Variants in NRXN3 observed in about 807,000 individuals in gnomAD.
The protein encoded by NRXN3 is neurexin III.
NRXN3 carries 32 observed loss-of-function variants against 137.6 expected under a neutral mutation model. The observed-to-expected ratio is 0.23, with a 90% CI of 0.18 to 0.31. The LOEUF is 0.31. NRXN3 is among the 10% of genes least tolerant of loss of function. The probability of loss-of-function intolerance (pLI) is 1.00; values close to 1 mark genes in which losing one functional copy is unlikely to be tolerated. For missense variants in NRXN3, 1,574 were observed against 2,062.5 expected (o/e 0.76, Z 4.59); for synonymous variants, 798 against 784.5 (o/e 1.02, Z -0.29).
rs77936402 is a variant in NRXN3, at chr14:78,639,301, G to T, written c.758-5819G>T. 8.0e-3 allele frequency among the ~76,000 whole-genome samples: 1,221 copies of T among 152,308 alleles called. 9 individuals carry two copies. The highest frequency in any genetic ancestry group is 0.041 in the East Asian group (213 of 5,180). ...TACGAGACCAATTTGAAGGACAAAG[G>T]CTGCATGCTACAATGAGAACAATTT... is the stretch of plus-strand genomic sequence containing the variant. On this transcript the variant is annotated intron_variant, in intron 4 of 20. Transcript: ENST00000335750.
chr14:78,431,913 CATAGGTCA>C (rs1286593916), intron 4 of NRXN3, among the ~76,000 whole-genome samples: 10 of 152,044 alleles, frequency 6.6e-5, no homozygotes, highest in African/African-American at 2.4e-4. Context: ...ATCTAAGGCT[CATAGGTCA>C]GTAAGCCAGT....
chr14:79,482,322 A>T (rs565393342), intron 16 of NRXN3, among the ~76,000 whole-genome samples: 2 of 152,216 alleles, frequency 1.3e-5, no homozygotes, highest in South Asian at 4.1e-4. Flanking sequence ...CACTGTCATA[A>T]TTTTCTCACT....
intron 8 of NRXN3, among the ~76,000 whole-genome samples, chr14:78,719,803 T>C (rs903772516): frequency 6.6e-6 from 1 of 152,024 alleles, no homozygotes; most frequent in Non-Finnish European, 1.5e-5. Flanking sequence ...GATCATGCAG[T>C]TGCACTCCAG....
intron 10 of NRXN3, among the ~76,000 whole-genome samples, chr14:78,832,168 G>T (rs1330618206): frequency 6.6e-6 from 1 of 151,958 alleles, no homozygotes; most frequent in African/African-American, 2.4e-5. Flanking sequence ...CAAGAGCTTT[G>T]TCTCTTGAAT....
At chr14:79,697,209 G>A (rs148443453) in intron 18 of NRXN3, among the ~76,000 whole-genome samples, 1 of 151,830 alleles carries the variant, frequency 6.6e-6, no homozygotes, top group Non-Finnish European at 1.5e-5. Flanking sequence ...AGTTTTTTTG[G>A]CCATATTTAA....
chr14:79,529,403 G>A (rs988831177), intron 16 of NRXN3, among the ~76,000 whole-genome samples: 2 of 152,176 alleles, frequency 1.3e-5, no homozygotes, highest in Admixed American at 6.5e-5. Flanking sequence ...GCCTGGTTTC[G>A]GGCCTGGCGC....
At chr14:78,392,103 G>T (rs1368306264) in intron 4 of NRXN3, among the ~76,000 whole-genome samples, 1 of 152,150 alleles carries the variant, frequency 6.6e-6, no homozygotes, top group Non-Finnish European at 1.5e-5. Flanking sequence ...TAAAAATATT[G>T]CAAAGAGCTA....
At chr14:78,826,934 G>A (rs890477303) in intron 10 of NRXN3, among the ~76,000 whole-genome samples, 2 of 152,108 alleles carry the variant, frequency 1.3e-5, no homozygotes, top group African/African-American at 4.8e-5. Context: ...GAATGTCAAC[G>A]TTTAAGAGAC....
chr14:79,383,582 T>C lies in NRXN3; in HGVS notation c.3263-83639T>C, dbSNP rs553988566. Among the ~76,000 whole-genome samples the C allele has an allele frequency of 5.9e-5, 9 of 152,284 alleles. No homozygotes were observed. The South Asian group carries it at 1.7e-3, about 28-fold the overall frequency. On this transcript the variant is annotated intron_variant, in intron 15 of 20. Coordinates refer to ENST00000335750, the MANE Select transcript of NRXN3 (RefSeq NM_001330195.2). ...GCAGCCAAAAGCATATTGTTCAGCATTGCGAATTCACAATACTCACTGCTC... is the reference window on the plus strand; with the variant it reads ...GCAGCCAAAAGCATATTGTTCAGCACTGCGAATTCACAATACTCACTGCTC...
chr14:78,809,469 G>C (rs1235913334), intron 9 of NRXN3, among the ~76,000 whole-genome samples: 1 of 152,140 alleles, frequency 6.6e-6, no homozygotes, highest in Non-Finnish European at 1.5e-5. Context: ...CGAGGGGGTT[G>C]ATCTGGGAGC....
intron 8 of NRXN3, among the ~76,000 whole-genome samples, chr14:78,738,775 T>TGG (rs71303853): frequency 5.9e-5 from 9 of 151,658 alleles, no homozygotes; most frequent in Non-Finnish European, 8.8e-5. Flanking sequence ...TGGTGAGGGG[T>TGG]GGGGGGGTGC....
chr14:78,857,613 G>A (rs2099061139), intron 10 of NRXN3, among the ~76,000 whole-genome samples: 1 of 152,146 alleles, frequency 6.6e-6, no homozygotes, highest in African/African-American at 2.4e-5. Flanking sequence ...GGATATGAAT[G>A]TATGCTGAAA....
Position 79,060,016 on chromosome 14 carries a change from C to A in NRXN3, c.3262+71875C>A, listed in dbSNP as rs1180238529. ...CAAACAGAATTTTTTTGGGTGAACC[C>A]ACAGATTTCACTCTGAGGAACAGCT... On this transcript the variant is annotated intron_variant, in intron 15 of 20. Coordinates refer to ENST00000335750, the MANE Select transcript of NRXN3 (RefSeq NM_001330195.2). Among the ~76,000 whole-genome samples, 3 of 152,132 alleles carry A rather than the reference C, an allele frequency of 2.0e-5. No homozygotes were observed. The East Asian group carries it at 5.8e-4, about 29-fold the overall frequency.
intron 4 of NRXN3, among the ~76,000 whole-genome samples, chr14:78,316,849 C>T (rs1418241157): frequency 6.6e-6 from 1 of 152,164 alleles, no homozygotes. Flanking sequence ...AGCTCCTGCC[C>T]ATGTGATTTT....
At chr14:79,004,009 C>A (rs150812755) in intron 15 of NRXN3, among the ~76,000 whole-genome samples, 1 of 152,132 alleles carries the variant, frequency 6.6e-6, no homozygotes, top group Non-Finnish European at 1.5e-5. Flanking sequence ...ATTTAGCTAT[C>A]TTAAAAACTG....
chr14:79,092,078 G>A (rs570536315), intron 15 of NRXN3, among the ~76,000 whole-genome samples: 2 of 152,098 alleles, frequency 1.3e-5, no homozygotes, highest in Non-Finnish European at 2.9e-5. Context: ...CTATCTTAAG[G>A]TTGTTTATAA....
intron 16 of NRXN3, among the ~76,000 whole-genome samples, chr14:79,619,664 C>T (rs2153896493): frequency 6.6e-6 from 1 of 152,164 alleles, no homozygotes; most frequent in African/African-American, 2.4e-5. Context: ...CAGAATTACA[C>T]AGAATACAGT....
intron 4 of NRXN3, among the ~76,000 whole-genome samples, chr14:78,569,522 C>T (rs1277856472): frequency 6.6e-6 from 1 of 151,918 alleles, no homozygotes; most frequent in African/African-American, 2.4e-5. Flanking sequence ...ATCTCGGCCT[C>T]CCAAAGTGCT....
At chr14:79,146,626 G>A (rs535721074) in intron 15 of NRXN3, among the ~76,000 whole-genome samples, 23 of 152,168 alleles carry the variant, frequency 1.5e-4, no homozygotes, top group East Asian at 5.8e-4. Context: ...AGAAAAGAGC[G>A]TGCATCACAA....
Sources: allele counts gnomAD v4.1 joint callset (sites outside exome capture counted in the v4.1 genomes callset), GRCh38; gene constraint gnomAD v4.1.1; transcripts MANE v1.5; gene names NCBI Gene and HGNC (gene_info 2026-07-23, HGNC 2026-07-21).